The following SLC22A16 variants were observed in gnomAD, a reference collection of about 807,000 sequenced individuals.
SLC22A16 encodes WUGSC:RG331P03.1.
In SLC22A16, 53 loss-of-function variants were observed where a neutral mutation model predicts 52.9. That is an observed-to-expected ratio of 1.00 (90% confidence interval 0.80 to 1.26). The LOEUF is 1.26. Among genes scored for constraint, SLC22A16 ranks in the 50% most tolerant of loss-of-function variants. The pLI is 0.00. For synonymous variants in SLC22A16, 291 were observed against 268.8 expected (o/e 1.08, Z -0.81); for missense variants, 726 against 704.0 (o/e 1.03, Z -0.35).
intron 7 of SLC22A16, among the ~76,000 whole-genome samples, chr6:110,425,650 G>T (rs530022282): frequency 6.6e-6 from 1 of 152,260 alleles, no homozygotes; most frequent in Non-Finnish European, 1.5e-5. Context: ...ACTTTATGGG[G>T]CAGGGATCCA....
In SLC22A16 at chr6:110,456,611, C is replaced by G; in HGVS notation, c.460G>C (p.Ala154Pro). The change falls in exon 2 of 8, where the codon GCA becomes CCA. Residue 154 changes from alanine to proline, a missense_variant. By Grantham distance (27) the Ala-to-Pro change is conservative (BLOSUM62 -1). Coordinates refer to ENST00000368919, the MANE Select transcript of SLC22A16 (RefSeq NM_033125.4). ...ATAAATAGGGGCTGGATCAGCATTG[C>G]AAGCCATTTTCGGTCACAGACCAGG... ...WNLVCDRKWL[A>P]MLIQPLFMFG... 6.2e-7 allele frequency: 1 copy of G among 1,614,170 alleles called. No individual in the cohort carries two copies. Among genetic ancestry groups the G allele is most frequent in the South Asian group, 1.1e-5 (1 of 91,078 alleles).
Position 110,424,901 on chromosome 6 carries a change from G to C in SLC22A16, c.1706C>G (p.Thr569Ser). 6.2e-7 allele frequency: 1 copy of C among 1,614,142 alleles called. No homozygotes were observed. Among genetic ancestry groups the C allele is most frequent in the Middle Eastern group, 1.6e-4 (1 of 6,062 alleles). Residue 569 changes from threonine to serine, a missense_variant, in exon 8 of 8, where the codon ACC (threonine) becomes AGC (serine). Coordinates refer to ENST00000368919, the MANE Select transcript of SLC22A16 (RefSeq NM_033125.4). Reference protein sequence around the residue: ...NSGLEKTEAITPRDSGLGE With the variant: ...NSGLEKTEAISPRDSGLGE ...TTCACCAAGACCAGAATCCCTGGGGGTAATCGCTTCCGTTTTTTCCAGCCC... is the reference window on the plus strand; with the variant it reads ...TTCACCAAGACCAGAATCCCTGGGGCTAATCGCTTCCGTTTTTTCCAGCCC...
intron 2 of SLC22A16, among the ~76,000 whole-genome samples, chr6:110,454,950 ATATATAT>A (rs1401153644): frequency 2.2e-5 from 1 of 44,916 alleles, no homozygotes; most frequent in Non-Finnish European, 4.0e-5. Flanking sequence ...TAATATATAA[ATATATAT>A]TATATATTAC....
chr6:110,431,346 T>G, intron 6 of SLC22A16, 76 bp from the exon 7 acceptor site: 1 of 1,267,884 alleles, frequency 7.9e-7, no homozygotes, highest in Non-Finnish European at 1.1e-6. Context: ...TTCCTGCAGC[T>G]CCTTTCCCAC....
intron 1 of SLC22A16, among the ~76,000 whole-genome samples, chr6:110,463,199 A>G (rs1436223028): frequency 6.6e-6 from 1 of 152,130 alleles, no homozygotes; most frequent in African/African-American, 2.4e-5. Flanking sequence ...CACAGATCCC[A>G]TAAAGCAATT....
intron 1 of SLC22A16, among the ~76,000 whole-genome samples, chr6:110,463,683 A>G (rs1341435948): frequency 1.3e-5 from 2 of 152,028 alleles, no homozygotes; most frequent in East Asian, 1.9e-4. Flanking sequence ...ACAGTCATAT[A>G]AAAGAGTGAG....
chr6:110,468,129 C>A (rs1354216808), intron 1 of SLC22A16, among the ~76,000 whole-genome samples: 1 of 152,240 alleles, frequency 6.6e-6, no homozygotes, highest in African/African-American at 2.4e-5. Context: ...GCCCTTGTAG[C>A]TAGCTAGTCC....
At chr6:110,434,070 G>A (rs1191384024) in intron 6 of SLC22A16, among the ~76,000 whole-genome samples, 2 of 151,998 alleles carry the variant, frequency 1.3e-5, no homozygotes, top group Non-Finnish European at 2.9e-5. Context: ...GTGAAACCCT[G>A]TCTCTACTAA....
At chr6:110,433,218 C>T (rs1417191932) in intron 6 of SLC22A16, among the ~76,000 whole-genome samples, 1 of 152,084 alleles carries the variant, frequency 6.6e-6, no homozygotes, top group Non-Finnish European at 1.5e-5. Context: ...TATTCTATAC[C>T]CCTGGTCACA....
At chr6:110,453,857 C>A (rs374199742) in intron 2 of SLC22A16, among the ~76,000 whole-genome samples, 2 of 152,202 alleles carry the variant, frequency 1.3e-5, no homozygotes, top group South Asian at 4.1e-4. Flanking sequence ...CAAGGGCTTT[C>A]ATGCTACATT....
intron 1 of SLC22A16, among the ~76,000 whole-genome samples, chr6:110,466,765 C>A (rs1438838444): frequency 1.3e-5 from 2 of 152,124 alleles, no homozygotes; most frequent in African/African-American, 4.8e-5. Flanking sequence ...CCAGCAATCC[C>A]ACTACTGGGT....
At chr6:110,452,308 T>A (rs983780723) in intron 2 of SLC22A16, among the ~76,000 whole-genome samples, 4 of 152,242 alleles carry the variant, frequency 2.6e-5, no homozygotes, top group African/African-American at 9.6e-5. Flanking sequence ...TGCTCATTAA[T>A]TCTAATAATT....
chr6:110,458,171 C>T (rs1318898125), intron 1 of SLC22A16, among the ~76,000 whole-genome samples: 7 of 152,188 alleles, frequency 4.6e-5, no homozygotes, highest in Non-Finnish European at 1.0e-4. Context: ...CTCTCCCCGC[C>T]TCGGTTGCCA....
chr6:110,436,418 AG>A (rs1421659737), intron 5 of SLC22A16, among the ~76,000 whole-genome samples: 1 of 152,180 alleles, frequency 6.6e-6, no homozygotes, highest in Non-Finnish European at 1.5e-5. Flanking sequence ...TGAGGCCAAG[AG>A]TTTTAGACCA....
chr6:110,470,180 T>C (rs1207854449), intron 1 of SLC22A16, among the ~76,000 whole-genome samples: 1 of 152,164 alleles, frequency 6.6e-6, no homozygotes, highest in Non-Finnish European at 1.5e-5. Flanking sequence ...AATCAGGTCC[T>C]CTTGAAACTA....
intron 2 of SLC22A16, among the ~76,000 whole-genome samples, chr6:110,449,519 A>G (rs1253751729): frequency 6.6e-6 from 1 of 152,142 alleles, no homozygotes; most frequent in African/African-American, 2.4e-5. Flanking sequence ...TTTTCTTAAT[A>G]TAGGGATAGG....
intron 1 of SLC22A16, 31 bp downstream of exon 1, chr6:110,476,491 C>T (rs755984708): frequency 6.7e-6 from 4 of 594,512 alleles, no homozygotes; most frequent in Non-Finnish European, 1.0e-5. Context: ...CGCCGCCTCC[C>T]GCGTGGCGCC....
intron 7 of SLC22A16, chr6:110,425,296 T>A: frequency 1.3e-6 from 2 of 1,490,372 alleles, no homozygotes; most frequent in Non-Finnish European, 1.8e-6. Context: ...CACTCACTCA[T>A]TCATTCCTTC....
chr6:110,451,464 T>A (rs1562290422), intron 2 of SLC22A16, among the ~76,000 whole-genome samples: 1 of 152,216 alleles, frequency 6.6e-6, no homozygotes, highest in African/African-American at 2.4e-5. Context: ...CACCAACACT[T>A]AGTATTACAA....
Sources: allele counts gnomAD v4.1 joint callset (sites outside exome capture counted in the v4.1 genomes callset), GRCh38; gene constraint gnomAD v4.1.1; transcripts MANE v1.5; gene names NCBI Gene and HGNC (gene_info 2026-07-23, HGNC 2026-07-21).